PROSER1: variants seen among roughly 807,000 people sequenced by gnomAD.
PROSER1 encodes proline and serine-rich protein 1.
Under a neutral mutation model 71.8 loss-of-function variants are expected in PROSER1, and 36 were observed. The observed-to-expected ratio is 0.50, with a 90% CI of 0.38 to 0.66. The LOEUF is 0.66. Ranked by LOEUF, PROSER1 falls within the 30% of genes least tolerant of loss-of-function variation. The pLI, the probability that PROSER1 is intolerant of heterozygous loss-of-function variation, is 0.00. For missense variants in PROSER1, 1,107 were observed against 1,135.0 expected, an observed-to-expected ratio of 0.98 and a Z score of 0.35; for synonymous variants, 490 against 452.4, an observed-to-expected ratio of 1.08 and a Z score of -1.06.
Position 39,014,422 on chromosome 13 carries a change from G to A in PROSER1, c.830C>T (p.Thr277Ile). The A allele has an allele frequency of 1.9e-6, 3 of 1,614,068 alleles. No individual in the cohort carries two copies. Among genetic ancestry groups the A allele is most frequent in the East Asian group, 2.2e-5 (1 of 44,880 alleles). Residue 277 changes from threonine (T) to isoleucine (I), a missense_variant, in exon 11 of 13, where the codon ACA (threonine) becomes ATA (isoleucine). Physicochemically the swap from Thr to Ile is moderately conservative, Grantham distance 89. Transcript: ENST00000352251. The stretch of plus-strand genomic sequence containing the variant: ...AGTAGGAACAGGAGTTGCAGCAGGT[G>A]TTGAAGGATTAGAACCATGAGGAGA... ...LFSPHGSNPS[T>I]PAATPVPTAS...
chr13:39,013,374 C>T lies in PROSER1; in HGVS notation c.1878G>A (p.Gly626=). ...AACCTAAAGTGCCATGAGAGGGATT[C>T]CCAGAATGAGATGGACCTTTGAAGG... is the stretch of plus-strand genomic sequence containing the variant. ...PSAFKGPSHS[G]NPSHGTLGLS... is the part of the protein sequence containing the mutation. Residue 626 remains glycine, a synonymous_variant, in exon 11 of 13, where the codon GGG becomes GGA. Transcript: ENST00000352251. 6.2e-7 allele frequency: 1 copy of T among 1,614,110 alleles called. No homozygotes were observed. The highest frequency in any genetic ancestry group is 8.5e-7 in the Non-Finnish European group (1 of 1,180,038).
rs115358768 is a variant in PROSER1, at chr13:39,023,265, A to G, written c.565-135T>C. The G allele has an allele frequency of 2.9e-3, 1,782 of 607,528 alleles. 28 individuals are homozygous for G. The African/African-American group carries it at 0.03, about 10-fold the overall frequency. The allele number at this position is 607,528 out of a possible 1,614,324, so 37.6% of individuals were successfully genotyped here. On this transcript the variant is annotated intron_variant, in intron 7 of 12. Coordinates refer to ENST00000352251, the MANE Select transcript of PROSER1 (RefSeq NM_025138.5). ...ATCATACTACTGGACTACATGGGAC[A>G]ACAAATGAGGGAAATTTCTTTGCTT... is the stretch of plus-strand genomic sequence containing the variant.
chr13:39,033,245 A>G (rs1035899121), intron 2 of PROSER1, among the ~76,000 whole-genome samples: 1 of 152,246 alleles, frequency 6.6e-6, no homozygotes. Context: ...TTAAAAGAGC[A>G]TAAAGTAACT....
chr13:39,028,462 C>T (rs1870653246), intron 4 of PROSER1, 142 bp from the exon 5 acceptor site: 2 of 460,708 alleles, frequency 4.3e-6, no homozygotes, highest in Non-Finnish European at 7.7e-6. Flanking sequence ...CTTTTAACAG[C>T]TCAATTTAAA....
At chr13:39,011,560 CCA>C (rs1869661160) in intron 12 of PROSER1, 73 bp from the exon 13 acceptor site, 7 of 1,469,022 alleles carry the variant, frequency 4.8e-6, no homozygotes, top group Non-Finnish European at 6.5e-6. Flanking sequence ...TCTACCCATG[CCA>C]CACAGAGATA....
chr13:39,010,788 ACTTAC>A lies in PROSER1; in HGVS notation c.*572_*576del, dbSNP rs1321871337. The A allele has an allele frequency of 1.3e-5, 2 of 152,872 alleles. No individual in the cohort carries two copies. The highest frequency in any genetic ancestry group is 4.8e-5 in the African/African-American group (2 of 41,572). 9.5% of individuals were successfully genotyped at this position (152,872 alleles called of 1,614,324 possible). ...ATAGTCTACATTAAGCACCACTTTC[ACTTAC>A]CTGAAATATTTTGAGTTAAATTCAG... On this transcript the variant is annotated 3_prime_UTR_variant, in exon 13 of 13. Coordinates refer to ENST00000352251, the MANE Select transcript of PROSER1 (RefSeq NM_025138.5).
chr13:39,014,257 G>A lies in PROSER1; in HGVS notation c.995C>T (p.Pro332Leu), dbSNP rs768586980. Residue 332 changes from proline to leucine, a missense_variant, in exon 11 of 13, where the codon CCA becomes CTA. Transcript: ENST00000352251. The stretch of plus-strand genomic sequence containing the variant: ...AGGGGTTCTGATAACTGTTGGGTTT[G>A]GTATTGATGGCTGAGGTGTGTGAAC... Reference protein sequence around the residue: ...SAVHTPQPSIPNPTVIRTPSL... With the variant: ...SAVHTPQPSILNPTVIRTPSL... The A allele has an allele frequency of 4.3e-6, 7 of 1,614,132 alleles. No homozygotes were observed. Among genetic ancestry groups the A allele is most frequent in the Non-Finnish European group, 5.9e-6 (7 of 1,180,030 alleles).
chr13:39,027,594 C>T (rs924750891), intron 5 of PROSER1, among the ~76,000 whole-genome samples: 1 of 152,162 alleles, frequency 6.6e-6, no homozygotes. Context: ...AACTCTTCTA[C>T]AACAATGTAT....
rs1338199378 is a variant in PROSER1 at position 39,010,426 on chromosome 13, G to T, written c.*939C>A. The T allele has an allele frequency of 6.6e-6, 1 of 152,570 alleles. No individual in the cohort carries two copies. Among genetic ancestry groups the T allele is most frequent in the African/African-American group, 2.4e-5 (1 of 41,440 alleles). 9.5% of individuals were successfully genotyped at this position (152,570 alleles called of 1,614,324 possible). A position where few individuals can be genotyped will look rare whatever the true frequency, so the allele number is the denominator to read the frequency against. Reference sequence around the variant, plus strand: ...TTCAAAATTAATGACATTCACTCATGTTATACTACCACAGATCCTTAAATA... The same window carrying T: ...TTCAAAATTAATGACATTCACTCATTTTATACTACCACAGATCCTTAAATA... On this transcript the variant is annotated 3_prime_UTR_variant, in exon 13 of 13. Coordinates refer to ENST00000352251, the MANE Select transcript of PROSER1 (RefSeq NM_025138.5).
chr13:39,037,371 G>A lies in PROSER1; in HGVS notation c.-129C>T, dbSNP rs1413011263. ...GGAAAAAGACTCCACGAGCAAGAGAGGATGCGAAGAGGTAGAGAGTATTGC... is the reference window on the plus strand; with the variant it reads ...GGAAAAAGACTCCACGAGCAAGAGAAGATGCGAAGAGGTAGAGAGTATTGC... On this transcript the variant is annotated 5_prime_UTR_variant, in exon 1 of 13. Coordinates refer to ENST00000352251, the MANE Select transcript of PROSER1 (RefSeq NM_025138.5). 1 of 720,688 alleles carries A rather than the reference G, an allele frequency of 1.4e-6. No homozygotes were observed. The highest frequency in any genetic ancestry group is 1.8e-5 in the African/African-American group (1 of 55,980). 44.6% of individuals were successfully genotyped at this position (720,688 alleles called of 1,614,324 possible).
rs371704237 is a variant in PROSER1 at position 39,037,405 on chromosome 13, C to CA, written c.-164dup. ...GAGGTAGAGAGTATTGCAAACTTCGCAAAAAAAATTTCTAAAAATTGAGAT... is the reference window on the plus strand; with the variant it reads ...GAGGTAGAGAGTATTGCAAACTTCGCAAAAAAAAATTTCTAAAAATTGAGAT... On this transcript the variant is annotated 5_prime_UTR_variant, in exon 1 of 13. Coordinates refer to ENST00000352251, the MANE Select transcript of PROSER1 (RefSeq NM_025138.5). 4.0e-5 allele frequency: 23 copies of CA among 578,794 alleles called. No homozygotes were observed. The highest frequency in any genetic ancestry group is 1.2e-4 in the East Asian group (4 of 34,446). 35.9% of individuals were successfully genotyped at this position (578,794 alleles called of 1,614,324 possible).
Position 39,030,881 on chromosome 13 carries a change from A to G in PROSER1, c.180+682T>C, listed in dbSNP as rs539554119. Among the ~76,000 whole-genome samples the G allele has an allele frequency of 1.9e-3, 288 of 152,344 alleles. 1 individual carries two copies. Among genetic ancestry groups the G allele is most frequent in the African/African-American group, 5.8e-3 (243 of 41,578 alleles). ...GCAAAGCAGTAAAAAAGCAAGTATT[A>G]AAGAGGAGGTCAGAAAGCAGCACTA... is the stretch of plus-strand genomic sequence containing the variant. On this transcript the variant is annotated intron_variant, in intron 3 of 12. Coordinates refer to ENST00000352251, the MANE Select transcript of PROSER1 (RefSeq NM_025138.5).
chr13:39,036,412 A>G (rs995642857), intron 1 of PROSER1, among the ~76,000 whole-genome samples: 1 of 152,208 alleles, frequency 6.6e-6, no homozygotes, highest in Non-Finnish European at 1.5e-5. Flanking sequence ...AGGGTCGTAA[A>G]GGTATGCAGC....
At chr13:39,011,999 A>G in intron 12 of PROSER1, 84 bp downstream of exon 12, 3 of 1,360,848 alleles carry the variant, frequency 2.2e-6, no homozygotes, top group Non-Finnish European at 3.1e-6. Context: ...ATGTTGGGAT[A>G]TCGCAAATGA....
intron 1 of PROSER1, 30 bp downstream of exon 1, chr13:39,037,166 CAT>C (rs1871155231): frequency 1.3e-6 from 2 of 1,493,458 alleles, no homozygotes; most frequent in Middle Eastern, 1.7e-4. Context: ...GAATTCATCT[CAT>C]AAAATAATTC....
Position 39,013,810 on chromosome 13 carries a change from G to A in PROSER1, c.1442C>T (p.Thr481Ile). 1 of 1,614,206 alleles carries A rather than the reference G, an allele frequency of 6.2e-7. No individual in the cohort carries two copies. The highest frequency in any genetic ancestry group is 1.7e-5 in the Admixed American group (1 of 60,028). Residue 481 changes from threonine to isoleucine, a missense_variant, in exon 11 of 13, where the codon ACC (threonine) becomes ATC (isoleucine). Coordinates refer to ENST00000352251, the MANE Select transcript of PROSER1 (RefSeq NM_025138.5). ...TAAAGCAGAGGAGTTGATTAAATTG[G>A]TGTCATTGGATGTCAGAAAACCTTT... is the stretch of plus-strand genomic sequence containing the variant. ...ALKGFLTSNDTNLINSSALSS... is the reference protein window; with the variant it reads ...ALKGFLTSNDINLINSSALSS...
intron 5 of PROSER1, among the ~76,000 whole-genome samples, 196 bp downstream of exon 5, chr13:39,028,030 GC>G (rs1376359218): frequency 6.6e-6 from 1 of 152,078 alleles, no homozygotes; most frequent in Non-Finnish European, 1.5e-5. Flanking sequence ...TCACTCTCAA[GC>G]CATCTCCTCC....
At position 39,013,068 on chromosome 13, in the gene PROSER1, G is replaced by C; in HGVS notation, c.2184C>G (p.Thr728=). ...ATGTGGAGGTGGCAGCGGTAGATGA[G>C]GTGGCTATTAATGACCCTGGGAGAG... ...SVSLPGSLIA[T]SSTAATSTSL... The change falls in exon 11 of 13, where the codon ACC becomes ACG. Residue 728 remains threonine, a synonymous_variant. Coordinates refer to ENST00000352251, the MANE Select transcript of PROSER1 (RefSeq NM_025138.5). The C allele has an allele frequency of 6.2e-7, 1 of 1,614,146 alleles. No individual in the cohort carries two copies. Among genetic ancestry groups the C allele is most frequent in the Non-Finnish European group, 8.5e-7 (1 of 1,180,026 alleles).
At position 39,013,999 on chromosome 13, in the gene PROSER1, C is replaced by T; in HGVS notation, c.1253G>A (p.Ser418Asn). The change falls in exon 11 of 13, where the codon AGC becomes AAC. Residue 418 changes from serine to asparagine, a missense_variant. Coordinates refer to ENST00000352251, the MANE Select transcript of PROSER1 (RefSeq NM_025138.5). ...FSTSSSAAST[S>N]NPNSASLSSV... ...TGACAATGAAGCAGAATTTGGGTTG[C>T]TGGTAGAAGCAGCAGAAGAGCTGGT... The T allele has an allele frequency of 1.2e-6, 2 of 1,614,040 alleles. No homozygotes were observed. The highest frequency in any genetic ancestry group is 1.1e-5 in the South Asian group (1 of 91,074).
Sources: allele counts gnomAD v4.1 joint callset (sites outside exome capture counted in the v4.1 genomes callset), GRCh38; gene constraint gnomAD v4.1.1; transcripts MANE v1.5; gene names NCBI Gene and HGNC (gene_info 2026-07-23, HGNC 2026-07-21).